GATAD2A: variants seen among roughly 807,000 people sequenced by gnomAD.
GATAD2A encodes the protein GATA zinc finger domain containing 2A, also known as transcriptional repressor p66-alpha.
A neutral mutation model predicts 68.5 loss-of-function variants in GATAD2A; 12 were observed. The observed-to-expected ratio is 0.18, with a 90% confidence interval of 0.11 to 0.28. GATAD2A has a LOEUF of 0.28. GATAD2A is among the 10% of genes least tolerant of loss of function. GATAD2A has a pLI of 1.00. For synonymous variants in GATAD2A, 410 were observed against 375.3 expected, an observed-to-expected ratio of 1.09 and a Z score of -1.07; for missense variants, 755 against 868.5, an observed-to-expected ratio of 0.87 and a Z score of 1.64.
chr19:19,411,123 C>T (rs2050868982), intron 1 of GATAD2A, among the ~76,000 whole-genome samples: 1 of 152,238 alleles, frequency 6.6e-6, no homozygotes, highest in Non-Finnish European at 1.5e-5. Context: ...CTTTGTGCCC[C>T]AGCCTATTCC....
rs545095080 is a variant in GATAD2A at position 19,453,744 on chromosome 19, T to C, written c.-6-11596T>C. Among the ~76,000 whole-genome samples, 3 of 151,782 alleles carry C rather than the reference T, an allele frequency of 2.0e-5. No individual in the cohort carries two copies. The East Asian group carries it at 5.8e-4, about 29-fold the overall frequency. ...CAGGCTGGAGCGCAGTGGAGCAATC[T>C]CAGCTCACTGCAACCTCCACCTCCT... On this transcript the variant is annotated intron_variant, in intron 1 of 11. Coordinates refer to ENST00000683918, the MANE Select transcript of GATAD2A (RefSeq NM_001384528.1).
chr19:19,485,008 A>G (rs142344339), intron 2 of GATAD2A, among the ~76,000 whole-genome samples: 2,479 of 151,952 alleles, frequency 0.016, 81 homozygotes, highest in South Asian at 0.086. Context: ...AGCCCCTTTC[A>G]TTGTTGGGCA....
intron 1 of GATAD2A, among the ~76,000 whole-genome samples, chr19:19,391,541 A>G (rs775759797): frequency 6.6e-6 from 1 of 152,232 alleles, no homozygotes; most frequent in East Asian, 1.9e-4. Context: ...TCCCCTTTAA[A>G]ATTATGCTAT....
chr19:19,415,724 TCTC>T (rs2051540594), intron 1 of GATAD2A, among the ~76,000 whole-genome samples: 1 of 150,728 alleles, frequency 6.6e-6, no homozygotes, highest in African/African-American at 2.5e-5. Context: ...TTCAAGCAAT[TCTC>T]CTGCCTCAGC....
chr19:19,415,949 C>T (rs997887410), intron 1 of GATAD2A, among the ~76,000 whole-genome samples: 3 of 119,454 alleles, frequency 2.5e-5, no homozygotes, highest in Admixed American at 8.0e-5. Context: ...AACTACTTTT[C>T]CCTGTATGGT....
intron 2 of GATAD2A, among the ~76,000 whole-genome samples, chr19:19,471,617 GA>G (rs1325989834): frequency 6.6e-6 from 1 of 152,198 alleles, no homozygotes; most frequent in East Asian, 1.9e-4. Flanking sequence ...CAAATTTACT[GA>G]AATCATTGAA....
At chr19:19,437,814 A>G (rs929955367) in intron 1 of GATAD2A, among the ~76,000 whole-genome samples, 2 of 152,178 alleles carry the variant, frequency 1.3e-5, no homozygotes, top group African/African-American at 4.8e-5. Flanking sequence ...TTGTTTATCC[A>G]TTCATTCATT....
chr19:19,441,119 T>G (rs780665373), intron 1 of GATAD2A, among the ~76,000 whole-genome samples: 166 of 151,954 alleles, frequency 1.1e-3, no homozygotes, highest in Non-Finnish European at 1.6e-3. Flanking sequence ...CTCGGCTCAC[T>G]GCAACCTCCG....
intron 1 of GATAD2A, among the ~76,000 whole-genome samples, chr19:19,460,501 G>A (rs946325876): frequency 1.3e-5 from 2 of 152,152 alleles, no homozygotes; most frequent in African/African-American, 4.8e-5. Flanking sequence ...ATAGGAAGAG[G>A]TGCCCTGAGG....
chr19:19,421,585 G>A (rs114202352), intron 1 of GATAD2A, among the ~76,000 whole-genome samples: 21 of 152,200 alleles, frequency 1.4e-4, no homozygotes, highest in South Asian at 1.0e-3. Context: ...AGTGTGTCCC[G>A]GCCCTGTGTT....
At chr19:19,478,862 A>G (rs1307240937) in intron 2 of GATAD2A, among the ~76,000 whole-genome samples, 2 of 152,136 alleles carry the variant, frequency 1.3e-5, no homozygotes, top group Admixed American at 6.5e-5. Flanking sequence ...AAAGATGACT[A>G]TAGTAGACCT....
At chr19:19,456,108 C>T (rs964224270) in intron 1 of GATAD2A, among the ~76,000 whole-genome samples, 5 of 148,206 alleles carry the variant, frequency 3.4e-5, no homozygotes, top group African/African-American at 1.3e-4. Context: ...GAGCCGAGAT[C>T]GCGCCACTGC....
intron 1 of GATAD2A, among the ~76,000 whole-genome samples, chr19:19,459,433 T>C (rs1293761271): frequency 2.0e-5 from 3 of 152,124 alleles, no homozygotes; most frequent in Non-Finnish European, 4.4e-5. Context: ...CCCACAGTTC[T>C]TTCCATTTTT....
At chr19:19,463,584 G>A (rs1179511506) in intron 1 of GATAD2A, among the ~76,000 whole-genome samples, 1 of 152,196 alleles carries the variant, frequency 6.6e-6, no homozygotes, top group African/African-American at 2.4e-5. Context: ...GTAGGTGCAG[G>A]CTGGGATGCC....
intron 1 of GATAD2A, among the ~76,000 whole-genome samples, chr19:19,410,983 A>C (rs1953595310): frequency 6.6e-6 from 1 of 152,164 alleles, no homozygotes; most frequent in Non-Finnish European, 1.5e-5. Flanking sequence ...TTATGACTGT[A>C]ACAGATGAGC....
chr19:19,442,185 C>A (rs117223334), intron 1 of GATAD2A, among the ~76,000 whole-genome samples: 11 of 151,312 alleles, frequency 7.3e-5, no homozygotes, highest in Non-Finnish European at 1.0e-4. Flanking sequence ...TTAAGTAAAA[C>A]GCTTAATTCT....
intron 1 of GATAD2A, chr19:19,427,544 C>T (rs983472058): frequency 2.6e-5 from 4 of 152,170 alleles, no homozygotes; most frequent in African/African-American, 9.7e-5. Flanking sequence ...GGGTTTTCTT[C>T]AGTCCCTGGA....
At chr19:19,500,316 A>G (rs978742403) in intron 8 of GATAD2A, among the ~76,000 whole-genome samples, 2 of 152,214 alleles carry the variant, frequency 1.3e-5, no homozygotes, top group Non-Finnish European at 2.9e-5. Context: ...TCAGGGGCTT[A>G]GAAGGGGCCA....
At chr19:19,415,701 T>A (rs2051535410) in intron 1 of GATAD2A, among the ~76,000 whole-genome samples, 2 of 150,896 alleles carry the variant, frequency 1.3e-5, no homozygotes, top group Admixed American at 1.3e-4. Flanking sequence ...CACTGCAACT[T>A]CTGCTTCCTC....
Sources: gnomAD v4.1 joint callset for allele counts (sites outside exome capture counted in the v4.1 genomes callset) on GRCh38, gnomAD v4.1.1 for gene constraint, MANE v1.5 for transcripts, NCBI Gene and HGNC (gene_info 2026-07-23, HGNC 2026-07-21) for gene names.